The following PALLD variants were observed in gnomAD, a reference collection of about 807,000 sequenced individuals.
PALLD encodes palladin.
Under a neutral mutation model 123.5 loss-of-function variants are expected in PALLD, and 61 were observed. The ratio of observed to expected loss-of-function variants is 0.49; its 90% CI spans 0.40 to 0.61. The LOEUF (loss-of-function observed/expected upper bound fraction) is 0.61, where lower values mean the gene tolerates loss of function less well. Ranked by LOEUF, PALLD falls within the 20% of genes least tolerant of loss-of-function variation. The pLI, the probability that PALLD is intolerant of heterozygous loss-of-function variation, is 0.00. For synonymous variants in PALLD, 465 were observed against 496.4 expected (o/e 0.94, Z 0.84); for missense variants, 1,273 against 1,377.0 (o/e 0.92, Z 1.20).
chr4:168,522,550 C>T (rs889320052), intron 2 of PALLD, among the ~76,000 whole-genome samples: 3 of 152,168 alleles, frequency 2.0e-5, no homozygotes, highest in African/African-American at 7.2e-5. Context: ...TGCCTTGGGG[C>T]CATACCTCCT....
intron 10 of PALLD, among the ~76,000 whole-genome samples, chr4:168,746,155 T>TC (rs1489765122): frequency 6.6e-6 from 1 of 151,930 alleles, no homozygotes; most frequent in African/African-American, 2.4e-5. Context: ...TTTCCTTTTT[T>TC]CCCTCCCCCA....
At chr4:168,558,147 C>T (rs1304816621) in intron 2 of PALLD, among the ~76,000 whole-genome samples, 1 of 152,186 alleles carries the variant, frequency 6.6e-6, no homozygotes, top group Non-Finnish European at 1.5e-5. Flanking sequence ...CACCTCTCAC[C>T]CCTACGGGCT....
At chr4:168,775,317 GTT>G (rs1249595901) in intron 10 of PALLD, among the ~76,000 whole-genome samples, 5 of 152,048 alleles carry the variant, frequency 3.3e-5, no homozygotes, top group Admixed American at 6.5e-5. Flanking sequence ...CTTTTCATGT[GTT>G]TATTTGCCAT....
intron 2 of PALLD, among the ~76,000 whole-genome samples, chr4:168,551,507 T>C (rs1361127218): frequency 2.0e-5 from 3 of 152,108 alleles, no homozygotes; most frequent in Admixed American, 6.5e-5. Context: ...TAAAACAAAA[T>C]TTCAAAATAT....
chr4:168,820,690 A>G (rs1742588525), intron 10 of PALLD, among the ~76,000 whole-genome samples: 1 of 152,012 alleles, frequency 6.6e-6, no homozygotes, highest in South Asian at 2.1e-4. Flanking sequence ...AAAGTATCCC[A>G]AGCAGATGAC....
chr4:168,759,202 AATATATATATATATATATAT>A lies in PALLD; in HGVS notation c.1964+47303_1964+47322del, dbSNP rs147474708. ...CTCAAAAAAAAAAAAAAAAAAAAAA[AATATATATATATATATATAT>A]ATATATATATATATATATATATAGA... On this transcript the variant is annotated intron_variant, in intron 10 of 21. Transcript: ENST00000505667. Among the ~76,000 whole-genome samples, 116 of 22,252 alleles carry A rather than the reference AATATATATATATATATATAT, an allele frequency of 5.2e-3. 2 individuals are homozygous for A. The highest frequency in any genetic ancestry group is 7.7e-3 in the African/African-American group (53 of 6,912). 14.6% of individuals were successfully genotyped at this position (22,252 alleles called of 152,430 possible). A position where few individuals can be genotyped will look rare whatever the true frequency, so the allele number is the denominator to read the frequency against.
At chr4:168,625,797 C>A (rs962685987) in intron 2 of PALLD, among the ~76,000 whole-genome samples, 3 of 152,086 alleles carry the variant, frequency 2.0e-5, no homozygotes, top group African/African-American at 7.2e-5. Flanking sequence ...GAAATTGGAA[C>A]TCATGCGCCC....
chr4:168,518,605 A>T (rs1763233727), intron 2 of PALLD, among the ~76,000 whole-genome samples: 3 of 152,192 alleles, frequency 2.0e-5, no homozygotes. Context: ...AGATATCTGC[A>T]GGATTAAATC....
chr4:168,763,671 A>C (rs1416590881), intron 10 of PALLD, among the ~76,000 whole-genome samples: 3 of 152,188 alleles, frequency 2.0e-5, no homozygotes, highest in Non-Finnish European at 4.4e-5. Flanking sequence ...ACTCTGAGTG[A>C]GTTAAGAACC....
chr4:168,549,182 T>G (rs933755698), intron 2 of PALLD, among the ~76,000 whole-genome samples: 1 of 152,210 alleles, frequency 6.6e-6, no homozygotes, highest in African/African-American at 2.4e-5. Context: ...TGTGGTCTGC[T>G]TTTTGAGTGA....
At chr4:168,898,409 T>A (rs1311627796) in intron 13 of PALLD, 84 bp from the exon 14 acceptor site, 1 of 842,300 alleles carries the variant, frequency 1.2e-6, no homozygotes, top group Non-Finnish European at 2.0e-6. Flanking sequence ...CACTGTCTTC[T>A]AGGGCCTTAT....
chr4:168,608,703 T>A lies in PALLD; in HGVS notation c.909-59487T>A, dbSNP rs545173454. Among the ~76,000 whole-genome samples, 11 of 152,324 alleles carry A rather than the reference T, an allele frequency of 7.2e-5. No homozygotes were observed. The South Asian group carries it at 2.3e-3, about 32-fold the overall frequency. On this transcript the variant is annotated intron_variant, in intron 2 of 21. Transcript: ENST00000505667. ...TTGTTGTTGCTGCTGCTATTTTGGT[T>A]TTTCATTTGTTTGGATTTTTCTATA...
chr4:168,647,978 G>A (rs1468628361), intron 2 of PALLD: 1 of 151,932 alleles, frequency 6.6e-6, no homozygotes, highest in Non-Finnish European at 1.5e-5. Context: ...CAAACGTAAA[G>A]CAAGGCTGCA....
intron 2 of PALLD, among the ~76,000 whole-genome samples, chr4:168,554,029 T>C (rs1451425470): frequency 2.0e-5 from 3 of 152,334 alleles, no homozygotes; most frequent in Non-Finnish European, 2.9e-5. Flanking sequence ...GCAGAGACCA[T>C]GTCTGTCCAG....
chr4:168,671,521 A>G (rs1293380691), intron 3 of PALLD, among the ~76,000 whole-genome samples: 2 of 152,228 alleles, frequency 1.3e-5, no homozygotes, highest in Admixed American at 1.3e-4. Flanking sequence ...AAGGGAGAGT[A>G]AGGAAACTGG....
intron 15 of PALLD, among the ~76,000 whole-genome samples, chr4:168,907,848 A>G (rs1332159323): frequency 6.6e-6 from 1 of 152,176 alleles, no homozygotes; most frequent in Non-Finnish European, 1.5e-5. Flanking sequence ...GAGAAAAAAA[A>G]AAGATTCAAA....
intron 10 of PALLD, among the ~76,000 whole-genome samples, chr4:168,848,150 TCCCAC>T (rs544116092): frequency 3.6e-4 from 41 of 113,166 alleles, no homozygotes; most frequent in African/African-American, 1.1e-3. Flanking sequence ...CCTACCCCCG[TCCCAC>T]CCCACCCCAC....
At chr4:168,757,900 G>A (rs1190177303) in intron 10 of PALLD, among the ~76,000 whole-genome samples, 1 of 152,138 alleles carries the variant, frequency 6.6e-6, no homozygotes, top group African/African-American at 2.4e-5. Context: ...GGCGAAACCT[G>A]TCTCTGCTAA....
Position 168,895,280 on chromosome 4 carries a change from G to A in PALLD, c.2199+603G>A, listed in dbSNP as rs185060284. On this transcript the variant is annotated intron_variant, in intron 12 of 21. Transcript: ENST00000505667. ...ACCTGTAGTCCCAGCTACTCGGGAA[G>A]CTGAGGCAGGAGAATTGCTTGAACC... Among the ~76,000 whole-genome samples the A allele has an allele frequency of 6.5e-4, 99 of 152,366 alleles. 1 individual carries two copies. The East Asian group carries it at 7.9e-3, about 12-fold the overall frequency.
Sources: gnomAD v4.1 joint callset for allele counts (sites outside exome capture counted in the v4.1 genomes callset) on GRCh38, gnomAD v4.1.1 for gene constraint, MANE v1.5 for transcripts, NCBI Gene and HGNC (gene_info 2026-07-23, HGNC 2026-07-21) for gene names.